The following PTPRT variants were observed in gnomAD, a reference collection of about 807,000 sequenced individuals.
PTPRT encodes receptor-type tyrosine-protein phosphatase T.
Under a neutral mutation model 176.8 loss-of-function variants are expected in PTPRT, and 56 were observed. That is an observed-to-expected ratio of 0.32 (90% CI 0.26 to 0.40). The LOEUF (loss-of-function observed/expected upper bound fraction) is 0.40. Ranked by LOEUF, PTPRT falls within the 10% of genes least tolerant of loss-of-function variation. The pLI, the probability that PTPRT is intolerant of heterozygous loss-of-function variation, is 1.00. For synonymous variants in PTPRT, 783 were observed against 739.0 expected (o/e 1.06, Z -0.96); for missense variants, 1,540 against 1,908.2 (o/e 0.81, Z 3.60).
chr20:42,653,886 T>C (rs1181707769), intron 7 of PTPRT, among the ~76,000 whole-genome samples: 2 of 152,216 alleles, frequency 1.3e-5, no homozygotes, highest in South Asian at 2.1e-4. Context: ...TAGACACATA[T>C]GTCATAGATA....
chr20:42,311,578 T>C (rs979767334), intron 12 of PTPRT, among the ~76,000 whole-genome samples: 2 of 152,218 alleles, frequency 1.3e-5, no homozygotes, highest in South Asian at 2.1e-4. Context: ...TATAACTCTA[T>C]CTCATCCTTT....
At chr20:42,210,569 C>T (rs1339165610) in intron 15 of PTPRT, among the ~76,000 whole-genome samples, 6 of 151,990 alleles carry the variant, frequency 3.9e-5, no homozygotes, top group East Asian at 1.9e-4. Flanking sequence ...AATAAAATAC[C>T]TAGGAATCCA....
At chr20:43,110,205 A>G (rs1177047524) in intron 1 of PTPRT, among the ~76,000 whole-genome samples, 2 of 152,306 alleles carry the variant, frequency 1.3e-5, no homozygotes, top group Middle Eastern at 3.4e-3. Context: ...AGAAAGCAAG[A>G]GAGAAAGTGA....
At chr20:42,310,191 G>T (rs1359035852) in intron 12 of PTPRT, among the ~76,000 whole-genome samples, 1 of 152,018 alleles carries the variant, frequency 6.6e-6, no homozygotes, top group African/African-American at 2.4e-5. Context: ...TAGCAGGCAT[G>T]TCTGAACCAT....
chr20:43,164,301 G>A (rs1311531538), intron 1 of PTPRT, among the ~76,000 whole-genome samples: 1 of 152,210 alleles, frequency 6.6e-6, no homozygotes, highest in African/African-American at 2.4e-5. Flanking sequence ...AGAGCACCCA[G>A]TACATGCCAG....
chr20:42,535,366 T>C (rs935694030), intron 7 of PTPRT, among the ~76,000 whole-genome samples: 6 of 152,128 alleles, frequency 3.9e-5, no homozygotes, highest in African/African-American at 7.2e-5. Context: ...GACTATCTTA[T>C]AGGGTCCTAC....
chr20:43,090,990 G>A (rs2011822999), intron 1 of PTPRT, among the ~76,000 whole-genome samples: 1 of 152,180 alleles, frequency 6.6e-6, no homozygotes, highest in African/African-American at 2.4e-5. Flanking sequence ...CAGAACTTTG[G>A]GAGGCCGAGG....
chr20:42,375,559 C>T (rs1034986801), intron 9 of PTPRT, among the ~76,000 whole-genome samples: 1 of 152,116 alleles, frequency 6.6e-6, no homozygotes, highest in Non-Finnish European at 1.5e-5. Flanking sequence ...CCAAACCTGC[C>T]CCCCTGGATC....
intron 1 of PTPRT, among the ~76,000 whole-genome samples, chr20:42,913,337 C>T (rs1978522258): frequency 6.6e-6 from 1 of 152,194 alleles, no homozygotes; most frequent in Non-Finnish European, 1.5e-5. Context: ...TTCCATGTCT[C>T]TCCCCTGGCT....
rs1203425076 is a variant in PTPRT at position 42,824,664 on chromosome 20, G to T, written c.215-33198C>A. ...ATAACTATAAAGAGTTGAACATGAAGAAGAATAAAAAATCAAATCATTAAA... is the reference window on the plus strand; with the variant it reads ...ATAACTATAAAGAGTTGAACATGAATAAGAATAAAAAATCAAATCATTAAA... On this transcript the variant is annotated intron_variant, in intron 2 of 30. Coordinates refer to ENST00000373187, the MANE Select transcript of PTPRT (RefSeq NM_007050.6). 2.6e-5 allele frequency among the ~76,000 whole-genome samples: 4 copies of T among 151,872 alleles called. No individual in the cohort carries two copies. In the East Asian group the frequency reaches 7.8e-4, roughly 29 times the overall value.
At chr20:42,850,855 A>G (rs73271758) in intron 2 of PTPRT, among the ~76,000 whole-genome samples, 5,095 of 152,264 alleles carry the variant, frequency 0.033, 283 homozygotes, top group African/African-American at 0.12. Context: ...CCCTTGGACC[A>G]GTCTACCTCC....
At chr20:43,038,214 A>T (rs866953147) in intron 1 of PTPRT, among the ~76,000 whole-genome samples, 15 of 150,016 alleles carry the variant, frequency 1.0e-4, no homozygotes, top group African/African-American at 3.4e-4. Context: ...CTAATAAAAT[A>T]CGAATTACAA....
intron 1 of PTPRT, among the ~76,000 whole-genome samples, chr20:43,178,611 C>T (rs956254326): frequency 2.6e-5 from 4 of 152,228 alleles, no homozygotes; most frequent in Non-Finnish European, 4.4e-5. Flanking sequence ...ACTGAAATGG[C>T]TTTGAGCTCA....
At chr20:43,108,475 C>T (rs527495363) in intron 1 of PTPRT, among the ~76,000 whole-genome samples, 1 of 152,148 alleles carries the variant, frequency 6.6e-6, no homozygotes, top group Admixed American at 6.5e-5. Flanking sequence ...CCCACAGCAC[C>T]ATGAGAGATA....
intron 14 of PTPRT, among the ~76,000 whole-genome samples, chr20:42,245,644 CTCTG>C (rs2056435776): frequency 6.6e-6 from 1 of 152,150 alleles, no homozygotes; most frequent in African/African-American, 2.4e-5. Context: ...CAAGCCCATT[CTCTG>C]TCTGTCTTCT....
At chr20:42,100,498 G>A (rs1985828807) in intron 26 of PTPRT, among the ~76,000 whole-genome samples, 2 of 152,198 alleles carry the variant, frequency 1.3e-5, no homozygotes, top group Admixed American at 1.3e-4. Context: ...CAGGAGAAAT[G>A]CCCTGTGGAC....
chr20:42,689,610 T>C (rs964974093), intron 6 of PTPRT, among the ~76,000 whole-genome samples: 8 of 152,078 alleles, frequency 5.3e-5, no homozygotes, highest in Non-Finnish European at 1.0e-4. Flanking sequence ...CAATTCCTAA[T>C]CCCCAAAACT....
At chr20:42,630,900 TTC>T (rs1208069809) in intron 7 of PTPRT, among the ~76,000 whole-genome samples, 1 of 152,144 alleles carries the variant, frequency 6.6e-6, no homozygotes, top group African/African-American at 2.4e-5. Flanking sequence ...ACCACAGATA[TTC>T]TCTGAGTGAT....
At chr20:43,042,094 T>C (rs751997269) in intron 1 of PTPRT, among the ~76,000 whole-genome samples, 2 of 152,208 alleles carry the variant, frequency 1.3e-5, no homozygotes, top group Non-Finnish European at 2.9e-5. Context: ...TCCACTGAAC[T>C]GTGGTGATGG....
Sources: allele counts gnomAD v4.1 joint callset (sites outside exome capture counted in the v4.1 genomes callset), GRCh38; gene constraint gnomAD v4.1.1; transcripts MANE v1.5; gene names NCBI Gene and HGNC (gene_info 2026-07-23, HGNC 2026-07-21).